Variants in ZNF845 observed in about 807,000 individuals in gnomAD.
ZNF845 encodes zinc finger protein 845.
ZNF845 carries 59 observed loss-of-function variants against 76.1 expected under a neutral mutation model. The observed-to-expected ratio is 0.78, with a 90% confidence interval of 0.63 to 0.96. The LOEUF is 0.96. Ranked by LOEUF, ZNF845 falls within the 40% of genes least tolerant of loss-of-function variation. ZNF845 has a pLI of 0.00. For synonymous variants in ZNF845, 361 were observed against 386.9 expected, an observed-to-expected ratio of 0.93 and a Z score of 0.78; for missense variants, 1,045 against 1,172.8, an observed-to-expected ratio of 0.89 and a Z score of 1.59.
At chr19:53,349,481 G>A (rs1443162137) in intron 3 of ZNF845, among the ~76,000 whole-genome samples, 4 of 150,902 alleles carry the variant, frequency 2.7e-5, no homozygotes, top group Non-Finnish European at 5.9e-5. Flanking sequence ...TGTTAGCTAG[G>A]ATGGTCTCGA....
rs2085330761 is a variant in ZNF845 at position 53,351,096 on chromosome 19, G to A, written c.421G>A (p.Gly141Arg). The A allele has an allele frequency of 1.2e-6, 2 of 1,614,070 alleles. No individual in the cohort carries two copies. Among genetic ancestry groups the A allele is most frequent in the African/African-American group, 2.7e-5 (2 of 74,928 alleles). ...AAACAAGCCTATTAAAGATCAGCTTGGATCAAGCTTTCATTCGCATCTGCC... is the reference window on the plus strand; with the variant it reads ...AAACAAGCCTATTAAAGATCAGCTTAGATCAAGCTTTCATTCGCATCTGCC... ...AGNKPIKDQL[G>R]SSFHSHLPEL... Residue 141 changes from glycine (G) to arginine (R), a missense_variant, in exon 4 of 4, where the codon GGA becomes AGA. Transcript: ENST00000458035.
rs73935563 is a variant in ZNF845 at position 53,351,695 on chromosome 19, A to C, written c.1020A>C (p.Ser340=). The part of the protein sequence containing the change: ...NECGKTFSQT[S]YLVYHRRLHT... ...GTGGCAAGACCTTCAGTCAAACGTCATACCTTGTGTACCATCGTAGACTTC... is the reference window on the plus strand; with the variant it reads ...GTGGCAAGACCTTCAGTCAAACGTCCTACCTTGTGTACCATCGTAGACTTC... Residue 340 remains serine, a synonymous_variant, in exon 4 of 4, where the codon TCA becomes TCC. Transcript: ENST00000458035. 0.022 allele frequency: 35,935 copies of C among 1,614,092 alleles called. 825 individuals are homozygous for C. Among genetic ancestry groups the C allele is most frequent in the African/African-American group, 0.12 (8,729 of 75,022 alleles).
At position 53,347,648 on chromosome 19, in the gene ZNF845, A is replaced by G. The variant is rs369256575; in HGVS notation, c.142+2016A>G. ...TATTAGATTGGCTTCAAGTATTGCA[A>G]TAGTACAGTCTCTAAACTTCCTTTG... On this transcript the variant is annotated intron_variant, in intron 3 of 3. Transcript: ENST00000458035. Among the ~76,000 whole-genome samples the G allele has an allele frequency of 2.2e-4, 34 of 152,278 alleles. No homozygotes were observed. The East Asian group carries it at 4.6e-3, about 21-fold the overall frequency.
intron 3 of ZNF845, among the ~76,000 whole-genome samples, chr19:53,348,847 ATTTTTTTTTT>A (rs565694028): frequency 1.6e-4 from 15 of 96,602 alleles, no homozygotes; most frequent in African/African-American, 3.0e-4. Context: ...TTGTTAGTCA[ATTTTTTTTTT>A]TTTTTTTTTT....
intron 1 of ZNF845, among the ~76,000 whole-genome samples, chr19:53,337,649 ACCT>A (rs1038999819): frequency 3.3e-5 from 5 of 151,684 alleles, no homozygotes; most frequent in Admixed American, 6.6e-5. Context: ...GTTCACTGCA[ACCT>A]CCTCCTCCCG....
chr19:53,339,986 G>A (rs1305012776), intron 1 of ZNF845, among the ~76,000 whole-genome samples: 3 of 152,164 alleles, frequency 2.0e-5, no homozygotes, highest in Admixed American at 2.0e-4. Context: ...GGGTTCAAGC[G>A]ATTCTCGTGC....
Position 53,341,415 on chromosome 19 carries a change from C to T in ZNF845, c.15+93C>T, listed in dbSNP as rs986344152. 7 of 1,569,906 alleles carry T rather than the reference C, an allele frequency of 4.5e-6. No homozygotes were observed. In the South Asian group the frequency reaches 4.5e-5, roughly 10 times the overall value. Reference sequence around the variant, plus strand: ...GAATCTTCTCTGAGTCTGAAGCATCCTGCCTGACAGGTTTGCTCGCACTCA... The same window carrying T: ...GAATCTTCTCTGAGTCTGAAGCATCTTGCCTGACAGGTTTGCTCGCACTCA... On this transcript the variant is annotated intron_variant, in intron 2 of 3. Coordinates refer to ENST00000458035, the MANE Select transcript of ZNF845 (RefSeq NM_138374.3).
intron 1 of ZNF845, chr19:53,340,732 T>G (rs953211230): frequency 1.7e-5 from 5 of 295,392 alleles, no homozygotes; most frequent in African/African-American, 8.8e-5. Flanking sequence ...GGGAGAAAAA[T>G]GTTAGAAGAC....
chr19:53,338,704 A>G (rs992155146), intron 1 of ZNF845, among the ~76,000 whole-genome samples: 1 of 141,572 alleles, frequency 7.1e-6, no homozygotes, highest in African/African-American at 2.7e-5. Flanking sequence ...GCACACACAC[A>G]CACACACACA....
In ZNF845 at chr19:53,353,030, G is replaced by T; in HGVS notation, c.2355G>T (p.Gly785=). The T allele has an allele frequency of 2.5e-6, 4 of 1,612,916 alleles. No homozygotes were observed. The highest frequency in any genetic ancestry group is 3.4e-6 in the Non-Finnish European group (4 of 1,179,678). The change falls in exon 4 of 4, where the codon GGG becomes GGT. Residue 785 remains glycine, a synonymous_variant. Transcript: ENST00000458035. ...GTAAGGTTTGTGACAAAGCTTTTGG[G>T]CGTGATTCACACCTGGCACAACATA... ...YKCKVCDKAF[G]RDSHLAQHTR...
At position 53,341,336 on chromosome 19, in the gene ZNF845, T is replaced by C. The variant is rs769967506; in HGVS notation, c.15+14T>C. 1.2e-6 allele frequency: 2 copies of C among 1,613,784 alleles called. No homozygotes were observed. The highest frequency in any genetic ancestry group is 1.7e-6 in the Non-Finnish European group (2 of 1,179,862). On this transcript the variant is annotated intron_variant, in intron 2 of 3. Coordinates refer to ENST00000458035, the MANE Select transcript of ZNF845 (RefSeq NM_138374.3). ...GCTCTTTCTCAGGTGAGATGATATG[T>C]TGGGTGGATTGTTCTGTCTCCTTCC...
rs887469369 is a variant in ZNF845 at position 53,356,429 on chromosome 19, T to C, written c.*2841T>C. 2 of 152,260 alleles carry C rather than the reference T, an allele frequency of 1.3e-5. No individual in the cohort carries two copies. The highest frequency in any genetic ancestry group is 2.9e-5 in the Non-Finnish European group (2 of 68,116). 9.4% of individuals were successfully genotyped at this position (152,260 alleles called of 1,614,324 possible). A position where few individuals can be genotyped will look rare whatever the true frequency, so the allele number is the denominator to read the frequency against. ...GGTGCACTGCTGTGGTCCCAGCTAC[T>C]CTGGGCACTGAAGTGGGAGGATCAG... is the stretch of plus-strand genomic sequence containing the variant. On this transcript the variant is annotated 3_prime_UTR_variant, in exon 4 of 4. Transcript: ENST00000458035.
In ZNF845 at chr19:53,356,798, A is replaced by G. The variant is rs7248548; in HGVS notation, c.*3210A>G. 0.26 allele frequency: 39,265 copies of G among 151,252 alleles called. 6,034 individuals carry two copies. The highest frequency in any genetic ancestry group is 0.36 in the Non-Finnish European group (24,204 of 67,838). The allele number at this position is 151,252 out of a possible 1,614,324, so 9.4% of individuals were successfully genotyped here. A position where few individuals can be genotyped will look rare whatever the true frequency, so the allele number is the denominator to read the frequency against. ...CAAAAAATTAGCTGGGCGAGGTGGC[A>G]GGCACCTGTAGTCCCAGCTACTCGG... On this transcript the variant is annotated 3_prime_UTR_variant, in exon 4 of 4. Transcript: ENST00000458035.
In ZNF845 at chr19:53,354,219, G is replaced by C. The variant is rs1469788944; in HGVS notation, c.*631G>C. The C allele has an allele frequency of 9.6e-6, 5 of 520,456 alleles. No homozygotes were observed. The highest frequency in any genetic ancestry group is 1.9e-5 in the Non-Finnish European group (5 of 265,144). 32.2% of individuals were successfully genotyped at this position (520,456 alleles called of 1,614,324 possible). A position where few individuals can be genotyped will look rare whatever the true frequency, so the allele number is the denominator to read the frequency against. The stretch of plus-strand genomic sequence containing the variant: ...CTTCAGTCTGAGATCACCCCTTAAG[G>C]AACATCAGAAAATTCATTTTTGAGA... On this transcript the variant is annotated 3_prime_UTR_variant, in exon 4 of 4. Coordinates refer to ENST00000458035, the MANE Select transcript of ZNF845 (RefSeq NM_138374.3).
chr19:53,338,248 A>C (rs2085229821), intron 1 of ZNF845, among the ~76,000 whole-genome samples: 1 of 152,166 alleles, frequency 6.6e-6, no homozygotes, highest in Non-Finnish European at 1.5e-5. Flanking sequence ...TCAAAATAAA[A>C]GGAGAAGGCC....
At chr19:53,341,915 T>C (rs917345890) in intron 2 of ZNF845, among the ~76,000 whole-genome samples, 5 of 152,144 alleles carry the variant, frequency 3.3e-5, no homozygotes, top group Non-Finnish European at 5.9e-5. Context: ...ACCTGAATCA[T>C]AGCAGGAGAT....
chr19:53,351,475 G>A lies in ZNF845; in HGVS notation c.800G>A (p.Gly267Asp). 3 of 1,614,212 alleles carry A rather than the reference G, an allele frequency of 1.9e-6. No homozygotes were observed. Among genetic ancestry groups the A allele is most frequent in the Non-Finnish European group, 2.5e-6 (3 of 1,180,036 alleles). Reference sequence around the variant, plus strand: ...GCATGTCATCGTAGATGTCACACTGGCAAGAAACCTTACAAGTGTAATGAT... The same window carrying A: ...GCATGTCATCGTAGATGTCACACTGACAAGAAACCTTACAAGTGTAATGAT... ...YLACHRRCHT[G>D]KKPYKCNDCG... The change falls in exon 4 of 4, where the codon GGC becomes GAC. Residue 267 changes from glycine to aspartate, a missense_variant. Coordinates refer to ENST00000458035, the MANE Select transcript of ZNF845 (RefSeq NM_138374.3).
At chr19:53,341,385 G>A in intron 2 of ZNF845, 63 bp downstream of exon 2, 1 of 1,608,348 alleles carries the variant, frequency 6.2e-7, no homozygotes, top group Non-Finnish European at 8.5e-7. Context: ...GGGCCTTGGA[G>A]TTGGGAATCT....
chr19:53,341,171 T>A, intron 1 of ZNF845, 64 bp from the exon 2 acceptor site: 1 of 1,363,330 alleles, frequency 7.3e-7, no homozygotes, highest in South Asian at 1.3e-5. Context: ...TTTGTATGTT[T>A]CATTGTGTTA....
Sources: allele counts gnomAD v4.1 joint callset (sites outside exome capture counted in the v4.1 genomes callset), GRCh38; gene constraint gnomAD v4.1.1; transcripts MANE v1.5; gene names NCBI Gene and HGNC (gene_info 2026-07-23, HGNC 2026-07-21).